MED24: variants seen among roughly 807,000 people sequenced by gnomAD.
MED24 encodes the protein mediator of RNA polymerase II transcription subunit 24.
In MED24, 74 loss-of-function variants were observed where a neutral mutation model predicts 118.8. The observed-to-expected ratio is 0.62, with a 90% CI of 0.52 to 0.76. The LOEUF is 0.76. MED24 is among the 30% of genes least tolerant of loss of function. MED24 has a pLI of 0.00. For missense variants in MED24, 1,041 were observed against 1,278.9 expected (o/e 0.81, Z 2.84); for synonymous variants, 521 against 523.9 (o/e 0.99, Z 0.08).
rs144041436 is a variant in MED24, at chr17:40,035,600, C to A, written c.326+122G>T. ...GAGGGCACAGGTAAGTGTAGATGGG[C>A]AGGTGGGGAGAAAAAACGTTGGAAC... On this transcript the variant is annotated intron_variant, in intron 5 of 25. Coordinates refer to ENST00000394128, the MANE Select transcript of MED24 (RefSeq NM_014815.4). 1.4e-3 allele frequency: 1,493 copies of A among 1,030,128 alleles called. 18 individuals are homozygous for A. In the African/African-American group the frequency reaches 0.022, roughly 15 times the overall value. 63.8% of individuals were successfully genotyped at this position (1,030,128 alleles called of 1,614,324 possible).
At chr17:40,045,575 A>C (rs1450284890) in intron 3 of MED24, among the ~76,000 whole-genome samples, 1 of 152,238 alleles carries the variant, frequency 6.6e-6, no homozygotes, top group African/African-American at 2.4e-5. Context: ...GATTGAGCTC[A>C]AGAGTTCAAG....
In MED24 at chr17:40,023,333, G is replaced by T. The variant is rs371559243; in HGVS notation, c.2048C>A (p.Thr683Lys). Residue 683 changes from threonine (T) to lysine (K), a missense_variant, in exon 20 of 26, where the codon ACG (threonine) becomes AAG (lysine). By Grantham distance (78) the Thr-to-Lys change is moderately conservative (BLOSUM62 -1). Around this residue, in one of 3 missense-constraint regions of MED24, gnomAD observed 587 missense variants for 694.4 expected, o/e 0.85. Coordinates refer to ENST00000394128, the MANE Select transcript of MED24 (RefSeq NM_014815.4). ...MCADVLQQTA[T>K]QIKFPSTGVD... Reference sequence around the variant, plus strand: ...CCCGGTGGAGGGAAACTTGATCTGCGTGGCTGTCTGCTGCAGCACGTCGGC... The same window carrying T: ...CCCGGTGGAGGGAAACTTGATCTGCTTGGCTGTCTGCTGCAGCACGTCGGC... 1 of 1,613,498 alleles carries T rather than the reference G, an allele frequency of 6.2e-7. No individual in the cohort carries two copies. The highest frequency in any genetic ancestry group is 1.3e-5 in the African/African-American group (1 of 74,884).
Position 40,023,201 on chromosome 17 carries a change from CG to C in MED24, c.2179del (p.Arg727AlafsTer22), listed in dbSNP as rs755883571. 1 of 1,614,012 alleles carries C rather than the reference CG, an allele frequency of 6.2e-7. No individual in the cohort carries two copies. The highest frequency in any genetic ancestry group is 8.5e-7 in the Non-Finnish European group (1 of 1,179,952). ...KVLEKGWVDS[R>X]SIHIFDTLLH... ...CAGGGTGTCAAAGATGTGGATGGAG[CG>C]GCTGTCCACCCAGCCCTTCTCCAGC... On this transcript the variant is annotated frameshift_variant, in exon 20 of 26. Coordinates refer to ENST00000394128, the MANE Select transcript of MED24 (RefSeq NM_014815.4). LOFTEE classifies it high-confidence loss of function.
At chr17:40,050,278 G>A (rs1049823290) in intron 3 of MED24, among the ~76,000 whole-genome samples, 7 of 151,388 alleles carry the variant, frequency 4.6e-5, no homozygotes, top group African/African-American at 9.7e-5. Context: ...GTAAAACCCC[G>A]TCTCTACTAA....
In MED24 at chr17:40,033,198, G is replaced by C. The variant is rs144775755; in HGVS notation, c.680C>G (p.Thr227Arg). 1 of 1,613,946 alleles carries C rather than the reference G, an allele frequency of 6.2e-7. No individual in the cohort carries two copies. The highest frequency in any genetic ancestry group is 1.1e-5 in the South Asian group (1 of 91,090). The change falls in exon 8 of 26, where the codon ACG (threonine) becomes AGG (arginine). Residue 227 changes from threonine to arginine, a missense_variant. This residue lies in a region of MED24 where 434 missense variants were observed against 514.9 expected (regional missense o/e 0.84). Transcript: ENST00000394128. This position sits in a 1 kb window ranked among gnomAD's most constrained non-coding sequence, Gnocchi z 5.2. Reference protein sequence around the residue: ...QCGTLIRSIPTMLSVHAEQMH... With the variant: ...QCGTLIRSIPRMLSVHAEQMH... ...CTGCTCCGCATGCACAGACAGCATC[G>C]TGGGGATGCTGAGGGGTCACAAACA...
chr17:40,052,915 A>G (rs777062017), intron 3 of MED24, among the ~76,000 whole-genome samples: 14 of 152,098 alleles, frequency 9.2e-5, no homozygotes, highest in Non-Finnish European at 1.8e-4. Flanking sequence ...ACAATTGTAC[A>G]ACTGCACCCC....
Position 40,045,199 on chromosome 17 carries a change from A to G in MED24, c.213+8099T>C, listed in dbSNP as rs144046363. Among the ~76,000 whole-genome samples, 454 of 152,322 alleles carry G rather than the reference A, an allele frequency of 3.0e-3. 3 individuals are homozygous for G. The highest frequency in any genetic ancestry group is 0.011 in the African/African-American group (441 of 41,556). ...CACAGTGGCTCACGCCTGTGATCCC[A>G]GCACTTTGGGAGGCCGAGGCGGGCA... On this transcript the variant is annotated intron_variant, in intron 3 of 25. Coordinates refer to ENST00000394128, the MANE Select transcript of MED24 (RefSeq NM_014815.4).
At chr17:40,031,436 G>T in intron 11 of MED24, 102 bp downstream of exon 11, 1 of 1,344,280 alleles carries the variant, frequency 7.4e-7, no homozygotes, top group Non-Finnish European at 1.1e-6. Flanking sequence ...CAAGGGGAGT[G>T]AACAAGGAGA....
At position 40,019,543 on chromosome 17, in the gene MED24, T is replaced by C. The variant is rs145694203; in HGVS notation, c.2956A>G (p.Ile986Val). 3.1e-6 allele frequency: 5 copies of C among 1,612,104 alleles called. No homozygotes were observed. The African/African-American group carries it at 6.7e-5, about 22-fold the overall frequency. Residue 986 changes from isoleucine (I) to valine (V), a missense_variant, in exon 26 of 26, where the codon ATT (isoleucine) becomes GTT (valine). Transcript: ENST00000394128. ...TGCCAAGCCCCTCAGAGTGCAGCAA[T>C]GGCTTTAGCAGCCACCTGGCGGCCC... ...PLGRQVAAKA[I>V]AAL
At chr17:40,039,985 A>G (rs1984379444) in intron 3 of MED24, among the ~76,000 whole-genome samples, 1 of 148,608 alleles carries the variant, frequency 6.7e-6, no homozygotes, top group Non-Finnish European at 1.5e-5. Flanking sequence ...GGGTTTCACC[A>G]TGTTAGCCAG....
rs1301939646 is a variant in MED24 at position 40,027,558 on chromosome 17, T to C, written c.1448-93A>G. On this transcript the variant is annotated intron_variant, in intron 15 of 25. Transcript: ENST00000394128. ...GGATCGGGATTTGCCTCTAGGAAGG[T>C]CAGGGACCAAGTGGCTCCTTCAAAG... 3 of 1,255,282 alleles carry C rather than the reference T, an allele frequency of 2.4e-6. No homozygotes were observed. In the African/African-American group the frequency reaches 4.5e-5, roughly 19 times the overall value. 77.8% of individuals were successfully genotyped at this position (1,255,282 alleles called of 1,614,324 possible).
intron 3 of MED24, among the ~76,000 whole-genome samples, chr17:40,046,753 AAC>A (rs1555668967): frequency 1.1e-4 from 16 of 151,640 alleles, no homozygotes; most frequent in African/African-American, 3.6e-4. Context: ...CTCAAAAAAA[AAC>A]AAGAAGAAGA....
At chr17:40,044,261 T>A (rs1234904294) in intron 3 of MED24, among the ~76,000 whole-genome samples, 1 of 152,146 alleles carries the variant, frequency 6.6e-6, no homozygotes, top group Non-Finnish European at 1.5e-5. Flanking sequence ...GGCTTACGCC[T>A]GTAATCCCAG....
In MED24 at chr17:40,035,114, T is replaced by C. The variant is rs1333091372; in HGVS notation, c.559+3A>G. ...TGGGGCTCAGGGGAATCAAGGGACATACAGGCCTCCTCTAGTTTGGCGATG... is the reference window on the plus strand; with the variant it reads ...TGGGGCTCAGGGGAATCAAGGGACACACAGGCCTCCTCTAGTTTGGCGATG... On this transcript the variant is annotated splice_donor_region_variant and intron_variant, in intron 6 of 25. Coordinates refer to ENST00000394128, the MANE Select transcript of MED24 (RefSeq NM_014815.4). The C allele has an allele frequency of 6.2e-7, 1 of 1,614,014 alleles. No individual in the cohort carries two copies. Among genetic ancestry groups the C allele is most frequent in the Non-Finnish European group, 8.5e-7 (1 of 1,179,936 alleles).
In MED24 at chr17:40,026,281, A is replaced by T. The variant is rs541691692; in HGVS notation, c.1860T>A (p.Ala620=). The change falls in exon 19 of 26, where the codon GCT becomes GCA. Residue 620 remains alanine, a synonymous_variant. Coordinates refer to ENST00000394128, the MANE Select transcript of MED24 (RefSeq NM_014815.4). ...GGACGTGGGCCACAAGCCAAGCCAC[A>T]GCACACACCGCCAGACTGCATACCT... The part of the protein sequence containing the change: ...KGKVCSLAVC[A]VAWLVAHVRM... 1.2e-6 allele frequency: 2 copies of T among 1,614,094 alleles called. No individual in the cohort carries two copies. Among genetic ancestry groups the T allele is most frequent in the Non-Finnish European group, 1.7e-6 (2 of 1,180,048 alleles).
chr17:40,024,198 G>A (rs549427535), intron 19 of MED24, among the ~76,000 whole-genome samples: 8 of 152,248 alleles, frequency 5.3e-5, no homozygotes, highest in South Asian at 4.1e-4. Context: ...TTTCCAGACC[G>A]TCCAAACCTC....
In MED24 at chr17:40,050,582, T is replaced by G. The variant is rs186667445; in HGVS notation, c.213+2716A>C. Among the ~76,000 whole-genome samples the G allele has an allele frequency of 9.1e-3, 1,386 of 152,218 alleles. 18 individuals carry two copies. The highest frequency in any genetic ancestry group is 0.032 in the African/African-American group (1,327 of 41,506). ...AGTGAGCTGAGATCAGCCATTGCAC[T>G]CCAGCCTGGGCGACAGAGCAATACT... On this transcript the variant is annotated intron_variant, in intron 3 of 25. Coordinates refer to ENST00000394128, the MANE Select transcript of MED24 (RefSeq NM_014815.4).
intron 3 of MED24, among the ~76,000 whole-genome samples, chr17:40,039,728 C>T (rs963818552): frequency 9.9e-5 from 15 of 151,708 alleles, no homozygotes; most frequent in Admixed American, 2.6e-4. Context: ...AAGCAATCCT[C>T]CCACCTCAGC....
chr17:40,051,777 G>T (rs1252362420), intron 3 of MED24, among the ~76,000 whole-genome samples: 1 of 151,694 alleles, frequency 6.6e-6, no homozygotes, highest in African/African-American at 2.4e-5. Flanking sequence ...ACAAAAATTA[G>T]CCGGGTGTGG....
Sources: allele counts gnomAD v4.1 joint callset (sites outside exome capture counted in the v4.1 genomes callset), GRCh38; gene constraint gnomAD v4.1.1; regional missense constraint gnomAD v4.1.1; non-coding constraint Gnocchi (gnomAD v3.1); transcripts MANE v1.5; gene names NCBI Gene and HGNC (gene_info 2026-07-23, HGNC 2026-07-21).